The following ARSI variants were observed in gnomAD, a reference collection of about 807,000 sequenced individuals.
The protein encoded by ARSI is arylsulfatase family member I, also known as arylsulfatase I.
A neutral mutation model predicts 42.1 loss-of-function variants in ARSI; 37 were observed. That is an observed-to-expected ratio of 0.88 (90% CI 0.68 to 1.16). The LOEUF is 1.16. ARSI is among the 50% of genes most tolerant of loss of function. The pLI, the probability that ARSI is intolerant of heterozygous loss-of-function variation, is 0.00. For missense variants in ARSI, 725 were observed against 790.1 expected (o/e 0.92, Z 0.99); for synonymous variants, 305 against 320.3 (o/e 0.95, Z 0.51).
intron 1 of ARSI, among the ~76,000 whole-genome samples, chr5:150,299,138 C>A (rs1757876471): frequency 6.6e-6 from 1 of 152,132 alleles, no homozygotes; most frequent in Non-Finnish European, 1.5e-5. Flanking sequence ...GGATTTATAA[C>A]CCAAGCAGTC....
At chr5:150,300,245 T>A (rs1354327171) in intron 1 of ARSI, among the ~76,000 whole-genome samples, 1 of 152,214 alleles carries the variant, frequency 6.6e-6, no homozygotes, top group Non-Finnish European at 1.5e-5. Context: ...ACTCTCATTT[T>A]AAAAACCTAC....
In ARSI at chr5:150,297,631, G is replaced by A. The variant is rs140233200; in HGVS notation, c.1293C>T (p.Pro431=). Residue 431 remains proline, a synonymous_variant, in exon 2 of 2, where the codon CCC becomes CCT. Coordinates refer to ENST00000328668, the MANE Select transcript of ARSI (RefSeq NM_001012301.4). This position sits in a 1 kb window ranked among gnomAD's most constrained non-coding sequence, Gnocchi z 7.0. ...GCGGTGGGATCCAATCGCCATAGCC[G>A]GGGTCTCCTGTCAGCAGCTTCCACT... ...VGEWKLLTGD[P]GYGDWIPPQT... is the part of the protein sequence containing the mutation. The A allele has an allele frequency of 1.9e-5, 30 of 1,611,942 alleles. No individual in the cohort carries two copies. The highest frequency in any genetic ancestry group is 5.3e-5 in the African/African-American group (4 of 75,038).
rs1334844790 is a variant in ARSI, at chr5:150,297,746, T to A, written c.1178A>T (p.Asp393Val). ...ATGCTGGGCATGGTTGTAGAGTGGG[T>A]CAATGTTGTGCAGGATCTCCGTGCG... Reference protein sequence around the residue: ...SPRTEILHNIDPLYNHAQHGS... With the variant: ...SPRTEILHNIVPLYNHAQHGS... Residue 393 changes from aspartate (D) to valine (V), a missense_variant, in exon 2 of 2, where the codon GAC becomes GTC. Asp to Val is a radical substitution (Grantham distance 152). Coordinates refer to ENST00000328668, the MANE Select transcript of ARSI (RefSeq NM_001012301.4). The surrounding 1 kb of genome is among the most constrained non-coding windows in gnomAD (Gnocchi z 7.0). The A allele has an allele frequency of 1.2e-6, 2 of 1,611,792 alleles. No homozygotes were observed. The highest frequency in any genetic ancestry group is 1.7e-5 in the Admixed American group (1 of 59,920).
intron 1 of ARSI, among the ~76,000 whole-genome samples, chr5:150,300,221 C>T (rs1230299751): frequency 1.3e-5 from 2 of 152,184 alleles, no homozygotes; most frequent in Admixed American, 6.5e-5. Context: ...CATACACATA[C>T]ATTATCTCAT....
intron 1 of ARSI, among the ~76,000 whole-genome samples, chr5:150,300,034 A>G (rs912182056): frequency 9.9e-5 from 15 of 152,204 alleles, no homozygotes; most frequent in African/African-American, 3.6e-4. Flanking sequence ...CTTCACAAGT[A>G]TGTTAAAATC....
Position 150,302,600 on chromosome 5 carries a change from C to T in ARSI, c.-227G>A, listed in dbSNP as rs1757942324. The T allele has an allele frequency of 5.3e-6, 2 of 378,842 alleles. No individual in the cohort carries two copies. Among genetic ancestry groups the T allele is most frequent in the Non-Finnish European group, 9.3e-6 (2 of 215,570 alleles). 23.5% of individuals were successfully genotyped at this position (378,842 alleles called of 1,614,324 possible). On this transcript the variant is annotated 5_prime_UTR_variant, in exon 1 of 2. Coordinates refer to ENST00000328668, the MANE Select transcript of ARSI (RefSeq NM_001012301.4). The surrounding 1 kb of genome is among the most constrained non-coding windows in gnomAD (Gnocchi z 6.1). ...GGTCAGGCCCGCGCCGAGCTGCCTC[C>T]CGCTGCCTAAGCGCAGGCCCTGCGC...
Position 150,297,798 on chromosome 5 carries a change from C to T in ARSI, c.1126G>A (p.Ala376Thr), listed in dbSNP as rs1757839811. Residue 376 changes from alanine (A) to threonine (T), a missense_variant, in exon 2 of 2, where the codon GCC (alanine) becomes ACC (threonine). Coordinates refer to ENST00000328668, the MANE Select transcript of ARSI (RefSeq NM_001012301.4). The surrounding 1 kb of genome is among the most constrained non-coding windows in gnomAD (Gnocchi z 7.0). ...GGTGAGGCCCGGCCCTCGCTGATGG[C>T]CGGCCACACGTCGTAGCCATCTAGC... ...DGLDGYDVWP[A>T]ISEGRASPRT... The T allele has an allele frequency of 1.2e-6, 2 of 1,604,296 alleles. No homozygotes were observed. Among genetic ancestry groups the T allele is most frequent in the Non-Finnish European group, 8.5e-7 (1 of 1,174,512 alleles).
rs1193038037 is a variant in ARSI, at chr5:150,296,966, T to G, written c.*248A>C. The stretch of plus-strand genomic sequence containing the variant: ...ATTTTACAGATGAGGAAACTGAGGC[T>G]AAAAGCTCATGTGGGTCACCTGAGG... On this transcript the variant is annotated 3_prime_UTR_variant, in exon 2 of 2. Coordinates refer to ENST00000328668, the MANE Select transcript of ARSI (RefSeq NM_001012301.4). 1 of 408,788 alleles carries G rather than the reference T, an allele frequency of 2.4e-6. No individual in the cohort carries two copies. The highest frequency in any genetic ancestry group is 2.0e-5 in the African/African-American group (1 of 48,852). 25.3% of individuals were successfully genotyped at this position (408,788 alleles called of 1,614,324 possible).
At position 150,296,806 on chromosome 5, in the gene ARSI, C is replaced by T. The variant is rs1187066023; in HGVS notation, c.*408G>A. 1 of 155,966 alleles carries T rather than the reference C, an allele frequency of 6.4e-6. No individual in the cohort carries two copies. The highest frequency in any genetic ancestry group is 6.4e-5 in the Admixed American group (1 of 15,578). 9.7% of individuals were successfully genotyped at this position (155,966 alleles called of 1,614,324 possible). The stretch of plus-strand genomic sequence containing the variant: ...GCTTGGAGTTGCCTCCAGGCAACTC[C>T]CAAACACCACCACAGGGATCCCGTG... On this transcript the variant is annotated 3_prime_UTR_variant, in exon 2 of 2. Coordinates refer to ENST00000328668, the MANE Select transcript of ARSI (RefSeq NM_001012301.4).
At position 150,296,549 on chromosome 5, in the gene ARSI, C is replaced by A. The variant is rs1258134055; in HGVS notation, c.*665G>T. On this transcript the variant is annotated 3_prime_UTR_variant, in exon 2 of 2. Transcript: ENST00000328668. Reference sequence around the variant, plus strand: ...GTTTGGGGGCTCTTCACAGCTCTTTCTACCACCCTTGGTGCTGCAGCAGTT... The same window carrying A: ...GTTTGGGGGCTCTTCACAGCTCTTTATACCACCCTTGGTGCTGCAGCAGTT... The A allele has an allele frequency of 6.6e-6, 1 of 152,330 alleles. No homozygotes were observed. The highest frequency in any genetic ancestry group is 1.9e-4 in the East Asian group (1 of 5,192). The allele number at this position is 152,330 out of a possible 1,614,324, so 9.4% of individuals were successfully genotyped here.
chr5:150,302,254 C>A lies in ARSI; in HGVS notation c.120G>T (p.Ser40=), dbSNP rs766436061. ...DGPGEAGEQP[S]AAPPQPPHII... is the part of the protein sequence containing the mutation. ...TGTGGGGAGGCTGGGGCGGAGCGGC[C>A]GAGGGCTGCTCGCCAGCCTCCCCGG... is the stretch of plus-strand genomic sequence containing the variant. The change falls in exon 1 of 2, where the codon TCG becomes TCT. Residue 40 remains serine (S), a synonymous_variant. Coordinates refer to ENST00000328668, the MANE Select transcript of ARSI (RefSeq NM_001012301.4). This position sits in a 1 kb window ranked among gnomAD's most constrained non-coding sequence, Gnocchi z 6.1. 6.2e-7 allele frequency: 1 copy of A among 1,610,744 alleles called. No homozygotes were observed. Among genetic ancestry groups the A allele is most frequent in the South Asian group, 1.1e-5 (1 of 90,664 alleles).
Position 150,298,531 on chromosome 5 carries a change from C to G in ARSI, c.393G>C (p.Leu131=). 6.2e-7 allele frequency: 1 copy of G among 1,614,194 alleles called. No individual in the cohort carries two copies. The highest frequency in any genetic ancestry group is 2.2e-5 in the East Asian group (1 of 44,888). The change falls in exon 2 of 2, where the codon CTG becomes CTC. Residue 131 remains leucine (L), a synonymous_variant. Transcript: ENST00000328668. The part of the protein sequence containing the change: ...PNCLPLDQVT[L]PQKLQEAGYS... ...AACCTGCCTCCTGCAGCTTCTGTGG[C>G]AGTGTCACCTGGTCCAGGGGCAGGC... is the stretch of plus-strand genomic sequence containing the variant.
chr5:150,298,738 A>T, intron 1 of ARSI, 126 bp from the exon 2 acceptor site: 1 of 756,818 alleles, frequency 1.3e-6, no homozygotes, highest in Non-Finnish European at 2.1e-6. Context: ...AAATAATAAC[A>T]GTAACCACCA....
chr5:150,298,828 C>T (rs1428695730), intron 1 of ARSI, among the ~76,000 whole-genome samples: 4 of 152,146 alleles, frequency 2.6e-5, no homozygotes, highest in Admixed American at 6.5e-5. Context: ...ATCATATTGT[C>T]GTTTTACAGA....
rs1757930667 is a variant in ARSI, at chr5:150,302,209, G to A, written c.165C>T (p.Asp55=). ...QPPHIIFILT[D]DQGYHDVGYH... ...AGCCCACGTCGTGGTAGCCTTGGTCGTCCGTGAGGATGAAGATGATGTGGG... is the reference window on the plus strand; with the variant it reads ...AGCCCACGTCGTGGTAGCCTTGGTCATCCGTGAGGATGAAGATGATGTGGG... The change falls in exon 1 of 2, where the codon GAC becomes GAT. Residue 55 remains aspartate, a synonymous_variant. Coordinates refer to ENST00000328668, the MANE Select transcript of ARSI (RefSeq NM_001012301.4). This position sits in a 1 kb window ranked among gnomAD's most constrained non-coding sequence, Gnocchi z 6.1. 1 of 1,613,780 alleles carries A rather than the reference G, an allele frequency of 6.2e-7. No individual in the cohort carries two copies. Among genetic ancestry groups the A allele is most frequent in the Admixed American group, 1.7e-5 (1 of 60,006 alleles).
chr5:150,298,423 G>GA lies in ARSI; in HGVS notation c.500dup (p.Leu168ProfsTer14). ...CCACATTGCCCGTGAGCGAGCCCAGGAAGGTGTCGAAGCCCCGACGGGTGG... is the reference window on the plus strand; with the variant it reads ...CCACATTGCCCGTGAGCGAGCCCAGGAAAGGTGTCGAAGCCCCGACGGGTGG... On this transcript the variant is annotated frameshift_variant, in exon 2 of 2. Coordinates refer to ENST00000328668, the MANE Select transcript of ARSI (RefSeq NM_001012301.4). LOFTEE classifies it high-confidence loss of function. 5 of 1,614,222 alleles carry GA rather than the reference G, an allele frequency of 3.1e-6. No individual in the cohort carries two copies. The highest frequency in any genetic ancestry group is 4.2e-6 in the Non-Finnish European group (5 of 1,180,038).
chr5:150,297,054 C>T lies in ARSI; in HGVS notation c.*160G>A, dbSNP rs778343833. ...CAGGCATCCCAGTCTGGTTTATTCC[C>T]ACCCACTCCTATCCAGGCTCCCTAC... On this transcript the variant is annotated 3_prime_UTR_variant, in exon 2 of 2. Coordinates refer to ENST00000328668, the MANE Select transcript of ARSI (RefSeq NM_001012301.4). The surrounding 1 kb of genome is among the most constrained non-coding windows in gnomAD (Gnocchi z 7.0). 1.8e-5 allele frequency: 13 copies of T among 719,898 alleles called. No homozygotes were observed. The highest frequency in any genetic ancestry group is 2.8e-5 in the Non-Finnish European group (13 of 459,208). The allele number at this position is 719,898 out of a possible 1,614,324, so 44.6% of individuals were successfully genotyped here. A position where few individuals can be genotyped will look rare whatever the true frequency, so the allele number is the denominator to read the frequency against.
In ARSI at chr5:150,297,586, C is replaced by T. The variant is rs570157787; in HGVS notation, c.1338G>A (p.Pro446=). ...TTCGTTCCAGGTTCCACCAGCTACC[C>T]GGGAAGGTGGCCAGTGTCTGCGGTG... ...WIPPQTLATF[P]GSWWNLERMA... is the part of the protein sequence containing the mutation. Residue 446 remains proline (P), a synonymous_variant, in exon 2 of 2, where the codon CCG becomes CCA. Coordinates refer to ENST00000328668, the MANE Select transcript of ARSI (RefSeq NM_001012301.4). The surrounding 1 kb of genome is among the most constrained non-coding windows in gnomAD (Gnocchi z 7.0). 13 of 1,610,174 alleles carry T rather than the reference C, an allele frequency of 8.1e-6. No homozygotes were observed. Among genetic ancestry groups the T allele is most frequent in the African/African-American group, 5.3e-5 (4 of 75,034 alleles).
chr5:150,302,354 A>G lies in ARSI; in HGVS notation c.20T>C (p.Phe7Ser). 1 of 1,533,318 alleles carries G rather than the reference A, an allele frequency of 6.5e-7. No individual in the cohort carries two copies. The highest frequency in any genetic ancestry group is 8.8e-7 in the Non-Finnish European group (1 of 1,142,554). The allele number at this position is 1,533,318 out of a possible 1,614,324, so 95.0% of individuals were successfully genotyped here. ...GAAGCTGAGCAGGCTGACCAGGGAG[A>G]AGCCAGTGAGGGTGTGCATCGCCAA... MHTLTG[F>S]SLVSLLSFGY... The change falls in exon 1 of 2, where the codon TTC becomes TCC. Residue 7 changes from phenylalanine to serine, a missense_variant. By Grantham distance (155) the Phe-to-Ser change is radical. Transcript: ENST00000328668. The surrounding 1 kb of genome is among the most constrained non-coding windows in gnomAD (Gnocchi z 6.1).
Sources: gnomAD v4.1 joint callset for allele counts (sites outside exome capture counted in the v4.1 genomes callset) on GRCh38, gnomAD v4.1.1 for gene constraint, Gnocchi (gnomAD v3.1) non-coding constraint, MANE v1.5 for transcripts, NCBI Gene and HGNC (gene_info 2026-07-23, HGNC 2026-07-21) for gene names.